TSGA10: variants seen among roughly 807,000 people sequenced by gnomAD.
The protein encoded by TSGA10 is testis-specific gene 10 protein.
A neutral mutation model predicts 96.6 loss-of-function variants in TSGA10; 43 were observed. The observed-to-expected ratio is 0.44, with a 90% CI of 0.35 to 0.57. TSGA10 has a LOEUF of 0.57. TSGA10 is among the 20% of genes least tolerant of loss of function. The pLI, the probability that TSGA10 is intolerant of heterozygous loss-of-function variation, is 0.01. For missense variants in TSGA10, 703 were observed against 834.4 expected, an observed-to-expected ratio of 0.84 and a Z score of 1.94; for synonymous variants, 229 against 269.9, an observed-to-expected ratio of 0.85 and a Z score of 1.48.
intron 1 of TSGA10, among the ~76,000 whole-genome samples, chr2:99,145,769 A>AT (rs1307340180): frequency 2.6e-5 from 4 of 152,108 alleles, no homozygotes; most frequent in Admixed American, 6.6e-5. Flanking sequence ...TATGTAGATA[A>AT]TTTTTTTCTC....
At chr2:99,021,567 C>T (rs1051239990) in intron 17 of TSGA10, among the ~76,000 whole-genome samples, 3 of 152,130 alleles carry the variant, frequency 2.0e-5, no homozygotes, top group Admixed American at 1.3e-4. Context: ...ATTACTAGTT[C>T]AGGGCTTCTT....
At chr2:99,113,844 G>C (rs922811399) in intron 4 of TSGA10, among the ~76,000 whole-genome samples, 2 of 152,092 alleles carry the variant, frequency 1.3e-5, no homozygotes, top group Admixed American at 1.3e-4. Context: ...ACCAGCCCTG[G>C]CCATCATCTT....
Position 99,018,288 on chromosome 2 carries a change from A to T in TSGA10, c.1984T>A (p.Ser662Thr). The change falls in exon 20 of 21, where the codon TCT becomes ACT. Residue 662 changes from serine to threonine, a missense_variant. Physicochemically the swap from Ser to Thr is moderately conservative, Grantham distance 58 (BLOSUM62 1). Around this residue, in one of 3 missense-constraint regions of TSGA10, gnomAD observed 69 missense variants for 81.3 expected, o/e 0.85. Coordinates refer to ENST00000393483, the MANE Select transcript of TSGA10 (RefSeq NM_025244.4). ...CATTTTGTATTTGGCTTCATTGTAGAACTCATATGATAAGCATTACTTGAA... is the reference window on the plus strand; with the variant it reads ...CATTTTGTATTTGGCTTCATTGTAGTACTCATATGATAAGCATTACTTGAA... ...NYSSNAYHMS[S>T]TMKPNTKCHS... 6.2e-7 allele frequency: 1 copy of T among 1,614,152 alleles called. No individual in the cohort carries two copies. The highest frequency in any genetic ancestry group is 8.5e-7 in the Non-Finnish European group (1 of 1,180,022).
At chr2:99,098,831 T>G (rs995672981) in intron 10 of TSGA10, among the ~76,000 whole-genome samples, 20 of 152,318 alleles carry the variant, frequency 1.3e-4, no homozygotes, top group African/African-American at 4.1e-4. Context: ...AAATTCTAAT[T>G]ATTTCTTTAA....
At chr2:99,078,109 A>C (rs2086959560) in intron 12 of TSGA10, among the ~76,000 whole-genome samples, 1 of 151,420 alleles carries the variant, frequency 6.6e-6, no homozygotes, top group Non-Finnish European at 1.5e-5. Flanking sequence ...GCCTCTACTA[A>C]AAATACAAAA....
At chr2:99,069,586 C>A (rs1010546434) in intron 14 of TSGA10, among the ~76,000 whole-genome samples, 1 of 150,716 alleles carries the variant, frequency 6.6e-6, no homozygotes, top group Non-Finnish European at 1.5e-5. Flanking sequence ...ATCACTTGAG[C>A]CTAAGAGTTT....
intron 5 of TSGA10, among the ~76,000 whole-genome samples, chr2:99,110,063 G>A (rs1355846822): frequency 6.6e-6 from 1 of 152,174 alleles, no homozygotes; most frequent in East Asian, 1.9e-4. Flanking sequence ...TATTTGGGAG[G>A]TTGAGGCAGG....
intron 2 of TSGA10, chr2:99,125,600 A>G (rs1398196156): frequency 6.6e-6 from 1 of 152,182 alleles, no homozygotes; most frequent in Non-Finnish European, 1.5e-5. Context: ...CTTTTTTAAA[A>G]ATTGAGACCT....
chr2:99,127,091 T>C lies in TSGA10; in HGVS notation c.-535A>G, dbSNP rs1303523703. On this transcript the variant is annotated 5_prime_UTR_variant, in exon 2 of 21. Coordinates refer to ENST00000393483, the MANE Select transcript of TSGA10 (RefSeq NM_025244.4). ...GATGAATCTATCTTGGTTTCTCACT[T>C]CTTGTTCTAGCTGGAGAGTATTCTG... The C allele has an allele frequency of 1.6e-6, 2 of 1,289,750 alleles. No homozygotes were observed. Among genetic ancestry groups the C allele is most frequent in the East Asian group, 1.1e-4 (2 of 18,018 alleles). 79.9% of individuals were successfully genotyped at this position (1,289,750 alleles called of 1,614,324 possible).
chr2:99,138,159 C>G (rs184490672), intron 1 of TSGA10, among the ~76,000 whole-genome samples: 2 of 152,176 alleles, frequency 1.3e-5, no homozygotes, highest in Non-Finnish European at 2.9e-5. Flanking sequence ...ACTTCAGGTC[C>G]TCTGCTCTTG....
rs149934202 is a variant in TSGA10, at chr2:99,074,293, C to A, written c.883-1220G>T. On this transcript the variant is annotated intron_variant, in intron 12 of 20. Transcript: ENST00000393483. ...CCTCCCAAAGTGCTGGGATTACAGG[C>A]GTAAGCCACTGCGCCCGGCCGTTCC... Among the ~76,000 whole-genome samples, 1,001 of 151,864 alleles carry A rather than the reference C, an allele frequency of 6.6e-3. 14 individuals carry two copies. Among genetic ancestry groups the A allele is most frequent in the African/African-American group, 0.023 (969 of 41,368 alleles).
intron 17 of TSGA10, among the ~76,000 whole-genome samples, chr2:99,033,012 A>T (rs1485875887): frequency 6.6e-6 from 1 of 152,214 alleles, no homozygotes; most frequent in Non-Finnish European, 1.5e-5. Flanking sequence ...AGACTACTCA[A>T]GTCTTTGAAT....
At chr2:99,104,256 G>A (rs2091092848) in intron 9 of TSGA10, 138 bp from the exon 10 acceptor site, 7 of 932,354 alleles carry the variant, frequency 7.5e-6, no homozygotes, top group African/African-American at 1.6e-5. Context: ...CCTGACTGCT[G>A]TAGAAGGTTT....
chr2:99,083,437 G>A (rs2087797292), intron 10 of TSGA10, among the ~76,000 whole-genome samples: 1 of 151,912 alleles, frequency 6.6e-6, no homozygotes. Flanking sequence ...CAAAAACAGA[G>A]ACATGAGAAA....
chr2:99,107,521 C>G (rs557149840), intron 7 of TSGA10, among the ~76,000 whole-genome samples: 1 of 152,212 alleles, frequency 6.6e-6, no homozygotes, highest in African/African-American at 2.4e-5. Flanking sequence ...GCCCATTGAA[C>G]AGCCTGTACC....
rs374517637 is a variant in TSGA10 at position 99,008,709 on chromosome 2, A to G, written c.2072+9491T>C. Among the ~76,000 whole-genome samples the G allele has an allele frequency of 2.6e-5, 4 of 152,350 alleles. No homozygotes were observed. In the East Asian group the frequency reaches 7.7e-4, roughly 29 times the overall value. On this transcript the variant is annotated intron_variant, in intron 20 of 20. Transcript: ENST00000393483. ...TGAAGATACTGCAACATGAGAATAC[A>G]TATGTACAAGATTATTCATTACAGC...
intron 17 of TSGA10, among the ~76,000 whole-genome samples, chr2:99,029,332 A>G (rs1464262421): frequency 6.6e-6 from 1 of 152,182 alleles, no homozygotes; most frequent in Non-Finnish European, 1.5e-5. Context: ...GTTAATAGAT[A>G]TGGTATTAAT....
chr2:99,048,503 G>C (rs893143514), intron 16 of TSGA10, among the ~76,000 whole-genome samples: 4 of 152,084 alleles, frequency 2.6e-5, no homozygotes, highest in African/African-American at 9.7e-5. Flanking sequence ...TTTCATAAAT[G>C]GTGTTGGAAA....
intron 2 of TSGA10, among the ~76,000 whole-genome samples, chr2:99,121,409 G>C: frequency 2.1e-3 from 1 of 474 alleles, no homozygotes; most frequent in African/African-American, 7.6e-3. Flanking sequence ...GATGTTTACA[G>C]AGGCTGAACA....
Sources: gnomAD v4.1 joint callset for allele counts (sites outside exome capture counted in the v4.1 genomes callset) on GRCh38, gnomAD v4.1.1 for gene constraint, gnomAD v4.1.1 regional missense constraint, MANE v1.5 for transcripts, NCBI Gene and HGNC (gene_info 2026-07-23, HGNC 2026-07-21) for gene names.